CCDC7: variants seen among roughly 807,000 people sequenced by gnomAD.
CCDC7 encodes coiled-coil domain-containing protein 7.
In CCDC7, 183 loss-of-function variants were observed where a neutral mutation model predicts 196.9. The ratio of observed to expected loss-of-function variants is 0.93; its 90% CI spans 0.82 to 1.05. CCDC7 has a LOEUF of 1.05. CCDC7 is among the 50% of genes least tolerant of loss of function. The pLI is 0.00. For missense variants in CCDC7, 1,540 were observed against 1,482.2 expected (o/e 1.04, Z -0.64); for synonymous variants, 525 against 484.6 (o/e 1.08, Z -1.10).
chr10:32,733,283 A>C (rs2084292270), intron 28 of CCDC7, among the ~76,000 whole-genome samples: 2 of 152,120 alleles, frequency 1.3e-5, no homozygotes, highest in South Asian at 4.1e-4. Flanking sequence ...TTATTTCAAA[A>C]CATGAGAGAA....
chr10:32,724,246 G>T (rs537185835), intron 25 of CCDC7, among the ~76,000 whole-genome samples: 4 of 152,164 alleles, frequency 2.6e-5, no homozygotes, highest in Admixed American at 2.0e-4. Flanking sequence ...GGCATCATCC[G>T]TGAGTGTCCC....
chr10:32,868,794 C>T (rs914564889), intron 41 of CCDC7, among the ~76,000 whole-genome samples: 2 of 149,420 alleles, frequency 1.3e-5, no homozygotes, highest in Non-Finnish European at 3.0e-5. Flanking sequence ...GTTCAATTCC[C>T]ACCTATGAGT....
chr10:32,646,536 A>C (rs1346120623), intron 20 of CCDC7, among the ~76,000 whole-genome samples: 2 of 152,106 alleles, frequency 1.3e-5, no homozygotes, highest in Non-Finnish European at 2.9e-5. Context: ...TGTTAGGTTC[A>C]TTTTGTCTAG....
chr10:32,482,753 G>T (rs1464482594), intron 8 of CCDC7, among the ~76,000 whole-genome samples: 1 of 152,028 alleles, frequency 6.6e-6, no homozygotes, highest in African/African-American at 2.4e-5. Flanking sequence ...GCGGTGTTTG[G>T]TTTTTTGTCC....
intron 2 of CCDC7, among the ~76,000 whole-genome samples, chr10:32,455,134 G>A (rs568560010): frequency 1.3e-5 from 2 of 152,182 alleles, no homozygotes; most frequent in South Asian, 2.1e-4. Context: ...GGTGGAAGAA[G>A]TAGGCTAATA....
intron 28 of CCDC7, among the ~76,000 whole-genome samples, chr10:32,757,946 G>A (rs1339584173): frequency 6.6e-6 from 1 of 151,988 alleles, no homozygotes; most frequent in Non-Finnish European, 1.5e-5. Context: ...GAAATACAAA[G>A]TACCATCAGA....
chr10:32,660,775 T>G (rs1191333282), intron 20 of CCDC7, among the ~76,000 whole-genome samples: 1 of 151,536 alleles, frequency 6.6e-6, no homozygotes, highest in Admixed American at 6.6e-5. Context: ...TAGCCATATA[T>G]AGAAAGCTGA....
intron 18 of CCDC7, among the ~76,000 whole-genome samples, chr10:32,595,586 T>C (rs2060249529): frequency 1.3e-5 from 2 of 152,224 alleles, no homozygotes; most frequent in Non-Finnish European, 2.9e-5. Context: ...TTCTGCAAGC[T>C]TTTGAATGTG....
chr10:32,827,180 G>T (rs966197249), intron 32 of CCDC7, among the ~76,000 whole-genome samples: 9 of 152,206 alleles, frequency 5.9e-5, no homozygotes, highest in African/African-American at 2.2e-4. Flanking sequence ...CATGAACAAA[G>T]TGGCCATGGT....
intron 21 of CCDC7, among the ~76,000 whole-genome samples, chr10:32,670,771 T>G (rs1321521097): frequency 6.6e-6 from 1 of 152,080 alleles, no homozygotes; most frequent in Non-Finnish European, 1.5e-5. Context: ...TTCTATTGTT[T>G]TTTTCTCCCT....
chr10:32,525,774 C>T (rs1246907099), intron 11 of CCDC7, among the ~76,000 whole-genome samples: 2 of 152,190 alleles, frequency 1.3e-5, no homozygotes, highest in Non-Finnish European at 2.9e-5. Context: ...AGAGGTATCA[C>T]CTTGATGGTC....
At chr10:32,825,479 C>A (rs1324531906) in intron 32 of CCDC7, among the ~76,000 whole-genome samples, 1 of 152,150 alleles carries the variant, frequency 6.6e-6, no homozygotes, top group Non-Finnish European at 1.5e-5. Context: ...ATGCTTCCTG[C>A]CCTCGTGTGA....
intron 25 of CCDC7, among the ~76,000 whole-genome samples, chr10:32,726,032 G>T (rs1261145923): frequency 6.6e-6 from 1 of 151,928 alleles, no homozygotes; most frequent in Middle Eastern, 3.2e-3. Context: ...TTCCTGCCCT[G>T]TTGTCTTGTA....
chr10:32,672,377 C>T (rs2074220813), intron 21 of CCDC7, among the ~76,000 whole-genome samples: 1 of 152,138 alleles, frequency 6.6e-6, no homozygotes, highest in African/African-American at 2.4e-5. Flanking sequence ...ATGCAAACTA[C>T]CTTGCTGTGA....
intron 11 of CCDC7, among the ~76,000 whole-genome samples, chr10:32,519,692 T>C (rs1008788940): frequency 4.6e-5 from 7 of 152,092 alleles, no homozygotes; most frequent in Non-Finnish European, 1.0e-4. Context: ...AAATTTGGTA[T>C]CCTCCTTAAG....
At chr10:32,680,404 A>T (rs2075689227) in intron 21 of CCDC7, among the ~76,000 whole-genome samples, 3 of 151,638 alleles carry the variant, frequency 2.0e-5, no homozygotes. Flanking sequence ...ATGTTGGCCC[A>T]TAGGGACACA....
intron 18 of CCDC7, among the ~76,000 whole-genome samples, chr10:32,628,979 T>G (rs992771729): frequency 2.6e-5 from 4 of 152,160 alleles, no homozygotes; most frequent in African/African-American, 9.6e-5. Flanking sequence ...CTAGTGCTGT[T>G]GGATGGAATA....
intron 23 of CCDC7, among the ~76,000 whole-genome samples, chr10:32,691,379 A>G (rs749095551): frequency 6.6e-6 from 1 of 151,838 alleles, no homozygotes; most frequent in African/African-American, 2.4e-5. Context: ...CTAGACTCAG[A>G]TATTTCTTGG....
At position 32,584,276 on chromosome 10, in the gene CCDC7, A is replaced by G. The variant is rs778581774; in HGVS notation, c.1773A>G (p.Gln591=). 18 of 1,598,988 alleles carry G rather than the reference A, an allele frequency of 1.1e-5. No homozygotes were observed. The South Asian group carries it at 1.9e-4, about 17-fold the overall frequency. ...AATTACAAAAGATGACTGAAGAACA[A>G]ACTTACCAAGCAGCAGAAAAATCTC... Residue 591 remains glutamine (Q), a synonymous_variant, in exon 18 of 42, where the codon CAA becomes CAG. Transcript: ENST00000639629.
Sources: gnomAD v4.1 joint callset for allele counts (sites outside exome capture counted in the v4.1 genomes callset) on GRCh38, gnomAD v4.1.1 for gene constraint, MANE v1.5 for transcripts, NCBI Gene and HGNC (gene_info 2026-07-23, HGNC 2026-07-21) for gene names.